Variants in POFUT4 observed in about 807,000 individuals in gnomAD.
POFUT4 encodes the protein protein O-fucosyltransferase 4, also known as GDP-fucose protein O-fucosyltransferase 4.
the POFUT4 span, chr10:73,774,145 TATC>T: frequency 4.2e-6 from 1 of 238,760 alleles, no homozygotes; most frequent in African/African-American, 2.3e-5. Context: ...AGGCTATAAA[TATC>T]ATTAATACCA....
At chr10:73,775,106 G>T in the POFUT4 span, 2 of 339,032 alleles carry the variant, frequency 5.9e-6, no homozygotes, top group South Asian at 5.8e-5. Context: ...AAATATTCAG[G>T]TTATGTCTTT....
the POFUT4 span, chr10:73,773,390 C>A: frequency 2.8e-5 from 45 of 1,614,072 alleles, no homozygotes; most frequent in Admixed American, 2.0e-4. Context: ...GCGCTGTGCC[C>A]GTGTACCGCG....
chr10:73,772,471 T>C, the POFUT4 span: 12 of 1,552,348 alleles, frequency 7.7e-6, no homozygotes, highest in Non-Finnish European at 1.0e-5. Flanking sequence ...ATGGCGCGGT[T>C]TTCCGGCCGC....
At chr10:73,773,865 T>A in the POFUT4 span, 1 of 1,507,094 alleles carries the variant, frequency 6.6e-7, no homozygotes, top group Non-Finnish European at 8.8e-7. Context: ...ACTTACTTGC[T>A]TACTGTGGGC....
the POFUT4 span, chr10:73,772,396 C>T: frequency 2.9e-4 from 453 of 1,569,180 alleles, 1 homozygote; most frequent in Non-Finnish European, 3.8e-4. Flanking sequence ...TCTGTGCAGC[C>T]AGCGGCCATG....
At chr10:73,777,613 G>C in the POFUT4 span, among the ~76,000 whole-genome samples, 2 of 151,210 alleles carry the variant, frequency 1.3e-5, no homozygotes, top group African/African-American at 4.9e-5. Context: ...GGAGTGCAGT[G>C]GCGCGATCTC....
At chr10:73,773,513 T>G in the POFUT4 span, 4 of 1,614,238 alleles carry the variant, frequency 2.5e-6, no homozygotes, top group East Asian at 2.2e-5. Flanking sequence ...ACAAGAATGA[T>G]GAGGAGTATA....
chr10:73,773,862 T>TG, the POFUT4 span: 1 of 1,510,116 alleles, frequency 6.6e-7, no homozygotes, highest in Non-Finnish European at 8.8e-7. Context: ...TTTACTTACT[T>TG]GCTTACTGTG....
chr10:73,777,556 C>G, the POFUT4 span, among the ~76,000 whole-genome samples: 2 of 142,784 alleles, frequency 1.4e-5, no homozygotes, highest in Admixed American at 7.0e-5. Flanking sequence ...TTCCCTATGA[C>G]TTTTTTTTTT....
At chr10:73,772,703 G>C in the POFUT4 span, 4 of 1,579,460 alleles carry the variant, frequency 2.5e-6, no homozygotes, top group Non-Finnish European at 2.6e-6. Flanking sequence ...GCTCTTCTAC[G>C]GCACAGACTT....
chr10:73,775,590 G>GA, the POFUT4 span: 1 of 1,614,242 alleles, frequency 6.2e-7, no homozygotes, highest in Admixed American at 1.7e-5. Flanking sequence ...GGACCAGGGG[G>GA]AAGCTCTCAC....
chr10:73,775,915 A>G, the POFUT4 span: 1 of 529,410 alleles, frequency 1.9e-6, no homozygotes. Flanking sequence ...TCAGTGGGAA[A>G]CAGAACCCTA....
chr10:73,773,264 C>T, the POFUT4 span: 3 of 1,614,062 alleles, frequency 1.9e-6, no homozygotes, highest in Non-Finnish European at 2.5e-6. Flanking sequence ...CCACGGCCAC[C>T]ACCGAGGATC....
At chr10:73,777,808 G>A in the POFUT4 span, among the ~76,000 whole-genome samples, 1 of 151,774 alleles carries the variant, frequency 6.6e-6, no homozygotes, top group Non-Finnish European at 1.5e-5. Context: ...ACTTGCCTTG[G>A]CCTCCCAAAG....
the POFUT4 span, chr10:73,772,374 G>T: frequency 6.4e-7 from 1 of 1,553,024 alleles, no homozygotes; most frequent in Non-Finnish European, 8.7e-7. Context: ...GTCCTTCTAG[G>T]GGTGCTCAGT....
chr10:73,779,647 C>T, the POFUT4 span: 1 of 151,976 alleles, frequency 6.6e-6, no homozygotes, highest in East Asian at 1.9e-4. Context: ...TCTAAGCTTG[C>T]AATCTATCTA....
At chr10:73,777,284 T>A in the POFUT4 span, among the ~76,000 whole-genome samples, 1 of 150,776 alleles carries the variant, frequency 6.6e-6, no homozygotes. Context: ...TGAGTCAAAG[T>A]GCAAATTTTT....
At chr10:73,772,779 C>T in the POFUT4 span, 2 of 1,609,978 alleles carry the variant, frequency 1.2e-6, no homozygotes, top group Non-Finnish European at 1.7e-6. Context: ...CACGAGGAGT[C>T]GCCCCTCAAC....
chr10:73,775,284 C>T, the POFUT4 span: 2 of 808,954 alleles, frequency 2.5e-6, no homozygotes, highest in Non-Finnish European at 4.0e-6. Context: ...ACCCCCTCCA[C>T]ATTTGGGAGC....
Sources: gnomAD v4.1 joint callset for allele counts (sites outside exome capture counted in the v4.1 genomes callset) on GRCh38, gnomAD v4.1.1 for gene constraint, MANE v1.5 for transcripts, NCBI Gene and HGNC (gene_info 2026-07-23, HGNC 2026-07-21) for gene names.